CDH23: variants seen among roughly 807,000 people sequenced by gnomAD.
CDH23 encodes cadherin-23.
In CDH23, 189 loss-of-function variants were observed where a neutral mutation model predicts 317.1. The ratio of observed to expected loss-of-function variants is 0.60; its 90% CI spans 0.53 to 0.67. The LOEUF (loss-of-function observed/expected upper bound fraction) is 0.67. CDH23 is among the 30% of genes least tolerant of loss of function. The pLI, the probability that CDH23 is intolerant of heterozygous loss-of-function variation, is 0.00. For missense variants in CDH23, 4,401 were observed against 4,592.4 expected (o/e 0.96, Z 1.20); for synonymous variants, 1,839 against 1,876.8 (o/e 0.98, Z 0.52).
intron 6 of CDH23, among the ~76,000 whole-genome samples, chr10:71,549,729 G>A (rs1279991497): frequency 6.6e-6 from 1 of 152,188 alleles, no homozygotes; most frequent in Non-Finnish European, 1.5e-5. Flanking sequence ...ACTCAGGCGG[G>A]TTTTACACTT....
intron 1 of CDH23, among the ~76,000 whole-genome samples, chr10:71,420,422 GTGATGATGATGATGATGGTCATTA>G (rs1848708221): frequency 8.0e-6 from 1 of 124,572 alleles, no homozygotes; most frequent in Admixed American, 8.2e-5. Flanking sequence ...GATGGTGATG[GTGATGATGATGATGATGGTCATTA>G]TGATGGTGAT....
At position 71,566,753 on chromosome 10, in the gene CDH23, G is replaced by A; in HGVS notation, c.441G>A (p.Val147=). ...GCTCTCATCCCCAGAATACACCAGT[G>A]GGGACGCCCATCTTCATCGTGAATG... ...YSVRIPENTP[V]GTPIFIVNAT... The change falls in exon 7 of 70, where the codon GTG becomes GTA. Residue 147 remains valine (V), a synonymous_variant. Transcript: ENST00000224721. The A allele has an allele frequency of 6.2e-7, 1 of 1,604,584 alleles. No individual in the cohort carries two copies. The highest frequency in any genetic ancestry group is 1.1e-5 in the South Asian group (1 of 90,122).
intron 3 of CDH23, among the ~76,000 whole-genome samples, chr10:71,465,734 G>T (rs1851219328): frequency 6.6e-6 from 1 of 152,208 alleles, no homozygotes; most frequent in Non-Finnish European, 1.5e-5. Context: ...CCTGTGATTG[G>T]AACATTGTCT....
chr10:71,703,692 C>G (rs371462171), intron 24 of CDH23, among the ~76,000 whole-genome samples: 2 of 152,276 alleles, frequency 1.3e-5, no homozygotes, highest in African/African-American at 4.8e-5. Context: ...GCCCGCTGTG[C>G]CTCAGTTTCT....
rs542634025 is a variant in CDH23 at position 71,634,560 on chromosome 10, C to A, written c.1135-9301C>A. On this transcript the variant is annotated intron_variant, in intron 11 of 69. Coordinates refer to ENST00000224721, the MANE Select transcript of CDH23 (RefSeq NM_022124.6). ...GCTTGCCTGGGGTTGCAAGACAGGG[C>A]CACAAGGAAGGGATTGCTGAGTTTT... Among the ~76,000 whole-genome samples the A allele has an allele frequency of 3.3e-5, 5 of 152,320 alleles. No individual in the cohort carries two copies. The East Asian group carries it at 9.6e-4, about 29-fold the overall frequency.
chr10:71,718,632 A>G (rs886149375), intron 28 of CDH23, among the ~76,000 whole-genome samples: 1 of 152,270 alleles, frequency 6.6e-6, no homozygotes, highest in Non-Finnish European at 1.5e-5. Context: ...GGCCAGGAGT[A>G]AGAAAAGGGC....
chr10:71,577,039 C>T (rs892789602), intron 8 of CDH23, among the ~76,000 whole-genome samples: 1 of 152,202 alleles, frequency 6.6e-6, no homozygotes, highest in African/African-American at 2.4e-5. Flanking sequence ...TGCTTCATGA[C>T]CCATGCTGAA....
chr10:71,647,150 C>T (rs759255041), intron 14 of CDH23: 35 of 918,488 alleles, frequency 3.8e-5, no homozygotes, highest in Admixed American at 6.2e-5. Flanking sequence ...AAAGGATTGG[C>T]TCATGTAACT....
At chr10:71,579,829 G>T (rs1858499605) in intron 9 of CDH23, among the ~76,000 whole-genome samples, 1 of 152,198 alleles carries the variant, frequency 6.6e-6, no homozygotes, top group African/African-American at 2.4e-5. Context: ...GTGACCAGGG[G>T]CTTGTGCTGG....
chr10:71,501,133 G>T (rs1853308025), intron 3 of CDH23, among the ~76,000 whole-genome samples: 1 of 152,150 alleles, frequency 6.6e-6, no homozygotes, highest in African/African-American at 2.4e-5. Context: ...CTCCCAAAGT[G>T]CTGGGATTAC....
At chr10:71,811,684 C>A (rs764701818) in intron 64 of CDH23, 29 bp from the exon 65 acceptor site, 214 of 1,612,672 alleles carry the variant, frequency 1.3e-4, no homozygotes, top group Non-Finnish European at 1.8e-4. Context: ...CTTGGCCCCC[C>A]TCACCAGCCC....
chr10:71,715,576 CCTGGAGGGCAAGGCTT>C (rs1244031239), intron 28 of CDH23: 2 of 202,968 alleles, frequency 9.9e-6, no homozygotes, highest in Non-Finnish European at 9.8e-6. Flanking sequence ...GGCTTTGGCA[CCTGGAGGGCAAGGCTT>C]CTGTGGCGAG....
rs370721188 is a variant in CDH23 at position 71,698,222 on chromosome 10, G to A, written c.2397+2697G>A. Among the ~76,000 whole-genome samples the A allele has an allele frequency of 7.2e-5, 11 of 152,252 alleles. No individual in the cohort carries two copies. In the South Asian group the frequency reaches 1.9e-3, roughly 26 times the overall value. On this transcript the variant is annotated intron_variant, in intron 22 of 69. Coordinates refer to ENST00000224721, the MANE Select transcript of CDH23 (RefSeq NM_022124.6). ...TTATATGTTAGTCAAGTTTGTCATAGCCAAATATTTTGAAAAGGAAGTTAT... is the reference window on the plus strand; with the variant it reads ...TTATATGTTAGTCAAGTTTGTCATAACCAAATATTTTGAAAAGGAAGTTAT...
chr10:71,465,461 G>A (rs10999827), intron 3 of CDH23, among the ~76,000 whole-genome samples: 60,780 of 152,152 alleles, frequency 0.4, 13,304 homozygotes, highest in East Asian at 0.6. Context: ...GACCTCCCCA[G>A]GGTCGAGAGA....
At chr10:71,488,393 A>G (rs1422930458) in intron 3 of CDH23, among the ~76,000 whole-genome samples, 8 of 152,290 alleles carry the variant, frequency 5.3e-5, no homozygotes, top group Middle Eastern at 3.4e-3. Flanking sequence ...CTACCTGCCA[A>G]TCTTGGACCT....
Position 71,690,500 on chromosome 10 carries a change from C to G in CDH23, c.2092C>G (p.Leu698Val). The G allele has an allele frequency of 6.2e-7, 1 of 1,610,672 alleles. No homozygotes were observed. Among genetic ancestry groups the G allele is most frequent in the Non-Finnish European group, 8.5e-7 (1 of 1,178,608 alleles). The change falls in exon 20 of 70, where the codon CTG becomes GTG. Residue 698 changes from leucine to valine, a missense_variant. Physicochemically the swap from Leu to Val is conservative, Grantham distance 32. This residue lies in a region of CDH23 where 3,068 missense variants were observed against 3,203.3 expected (regional missense o/e 0.96). Transcript: ENST00000224721. ...GGTGCTGTTCCTGAATGCCACAGAC[C>G]TGGACCGCTCCCGGGAGTACGGCCA... ...ATVLFLNATD[L>V]DRSREYGQES...
chr10:71,675,060 T>G, intron 14 of CDH23, 52 bp from the exon 15 acceptor site: 1 of 1,547,134 alleles, frequency 6.5e-7, no homozygotes, highest in Non-Finnish European at 8.9e-7. Flanking sequence ...CCTGTGGACC[T>G]GAAGCCTCAG....
intron 3 of CDH23, among the ~76,000 whole-genome samples, chr10:71,492,882 T>G (rs1446362813): frequency 6.6e-6 from 1 of 152,290 alleles, no homozygotes; most frequent in Non-Finnish European, 1.5e-5. Flanking sequence ...TCAGCGCTCC[T>G]CTTGTGTTTC....
chr10:71,797,093 C>G lies in CDH23; in HGVS notation c.6713-11C>G, dbSNP rs780938635. The G allele has an allele frequency of 2.5e-6, 4 of 1,589,706 alleles. No individual in the cohort carries two copies. The highest frequency in any genetic ancestry group is 3.4e-6 in the Non-Finnish European group (4 of 1,159,444). On this transcript the variant is annotated splice_polypyrimidine_tract_variant and intron_variant, in intron 48 of 69. Transcript: ENST00000224721. The stretch of plus-strand genomic sequence containing the variant: ...CTTCTCAGGCTGAACCTGGCCTGGT[C>G]TGGTCCACAGGATCTGTAATGGTGA...
Sources: gnomAD v4.1 joint callset for allele counts (sites outside exome capture counted in the v4.1 genomes callset) on GRCh38, gnomAD v4.1.1 for gene constraint, gnomAD v4.1.1 regional missense constraint, MANE v1.5 for transcripts, NCBI Gene and HGNC (gene_info 2026-07-23, HGNC 2026-07-21) for gene names.